GSE1: variants seen among roughly 807,000 people sequenced by gnomAD.
The protein encoded by GSE1 is genetic suppressor element 1.
GSE1 carries 32 observed loss-of-function variants against 112.6 expected under a neutral mutation model. The ratio of observed to expected loss-of-function variants is 0.28; its 90% CI spans 0.21 to 0.38. The LOEUF is 0.38. GSE1 is among the 10% of genes least tolerant of loss of function. GSE1 has a pLI of 1.00. For missense variants in GSE1, 2,348 were observed against 1,699.2 expected (o/e 1.38, Z -6.71); for synonymous variants, 1,115 against 735.6 (o/e 1.52, Z -8.35).
intron 1 of GSE1, among the ~76,000 whole-genome samples, chr16:85,277,260 C>G (rs1345344787): frequency 1.3e-5 from 2 of 152,116 alleles, no homozygotes; most frequent in Non-Finnish European, 2.9e-5. Context: ...TTCTGGGGTT[C>G]TGGCCAGTGC....
chr16:85,567,929 G>A (rs1349444480), intron 1 of GSE1, among the ~76,000 whole-genome samples: 3 of 152,064 alleles, frequency 2.0e-5, no homozygotes, highest in Admixed American at 2.0e-4. Flanking sequence ...TTCTTATGTT[G>A]CCCAGGCTGA....
intron 1 of GSE1, among the ~76,000 whole-genome samples, chr16:85,286,185 G>A (rs374453202): frequency 1.6e-4 from 25 of 152,366 alleles, no homozygotes; most frequent in East Asian, 1.3e-3. Flanking sequence ...AAAGGGCCCC[G>A]TGCTCCGAGC....
chr16:85,226,957 G>A (rs984677245), intron 1 of GSE1, among the ~76,000 whole-genome samples: 5 of 151,984 alleles, frequency 3.3e-5, no homozygotes, highest in East Asian at 1.9e-4. Context: ...GTCAGGTAGC[G>A]GCCATCCCCA....
chr16:85,331,701 A>AT (rs1567693513), intron 1 of GSE1, among the ~76,000 whole-genome samples: 2 of 74,122 alleles, frequency 2.7e-5, no homozygotes, highest in African/African-American at 5.3e-5. Flanking sequence ...ATATATATAT[A>AT]TATATATTTT....
At chr16:85,291,179 C>G (rs2045199778) in intron 1 of GSE1, among the ~76,000 whole-genome samples, 1 of 152,166 alleles carries the variant, frequency 6.6e-6, no homozygotes, top group Admixed American at 6.5e-5. Context: ...GTCCCTCACC[C>G]AGGGTCTCTC....
intron 2 of GSE1, among the ~76,000 whole-genome samples, chr16:85,641,717 G>A (rs2050464657): frequency 1.3e-5 from 2 of 152,248 alleles, no homozygotes; most frequent in Admixed American, 6.5e-5. Flanking sequence ...GTGGGGGGCT[G>A]ATTGGCTCTT....
intron 2 of GSE1, among the ~76,000 whole-genome samples, chr16:85,637,256 G>T (rs1054418125): frequency 6.6e-6 from 1 of 152,220 alleles, no homozygotes; most frequent in Non-Finnish European, 1.5e-5. Context: ...GTACACATGG[G>T]CTGGCGCGGT....
intron 1 of GSE1, among the ~76,000 whole-genome samples, chr16:85,624,650 C>T (rs890739749): frequency 6.6e-6 from 1 of 152,228 alleles, no homozygotes; most frequent in African/African-American, 2.4e-5. Context: ...TGAGCCTCTA[C>T]ATGTGACCCG....
intron 1 of GSE1, among the ~76,000 whole-genome samples, chr16:85,337,032 C>T (rs995138277): frequency 6.6e-6 from 1 of 152,088 alleles, no homozygotes; most frequent in African/African-American, 2.4e-5. Context: ...ATTTGCTATG[C>T]GCTTGATGCA....
At chr16:85,250,952 C>T (rs185878510) in intron 1 of GSE1, among the ~76,000 whole-genome samples, 35 of 152,220 alleles carry the variant, frequency 2.3e-4, no homozygotes, top group East Asian at 7.7e-4. Flanking sequence ...TTTCACTCGG[C>T]GCCTGGTTTC....
At chr16:85,216,185 A>G (rs909940776) in intron 1 of GSE1, among the ~76,000 whole-genome samples, 3 of 152,216 alleles carry the variant, frequency 2.0e-5, no homozygotes, top group Non-Finnish European at 4.4e-5. Flanking sequence ...CTTAAAGGTA[A>G]AGTGCTCCAG....
chr16:85,555,557 C>T (rs1417552562), upstream of GSE1: 1 of 972,306 alleles, frequency 1.0e-6, no homozygotes, highest in Non-Finnish European at 1.2e-6. Flanking sequence ...TCTCCTCTCC[C>T]CTCTCCCGCT....
upstream of GSE1, chr16:85,555,113 C>T (rs1030874407): frequency 1.0e-6 from 1 of 985,030 alleles, no homozygotes. Flanking sequence ...GAGCCGCCGC[C>T]GCCGCCGCCT....
chr16:85,662,660 G>A (rs1423792148), intron 9 of GSE1: 1 of 321,636 alleles, frequency 3.1e-6, no homozygotes, highest in Non-Finnish European at 5.8e-6. Flanking sequence ...AAGCAGCCCT[G>A]TGTTGCCGTG....
At chr16:85,251,692 T>G (rs1906502105) in intron 1 of GSE1, among the ~76,000 whole-genome samples, 1 of 152,224 alleles carries the variant, frequency 6.6e-6, no homozygotes, top group African/African-American at 2.4e-5. Context: ...CACGCAGGCC[T>G]CTGCTGCGGG....
chr16:85,273,550 G>A (rs893026502), intron 1 of GSE1, among the ~76,000 whole-genome samples: 31 of 102,952 alleles, frequency 3.0e-4, no homozygotes, highest in Middle Eastern at 5.2e-3. Context: ...ACAGAAGCCA[G>A]TCTGCAGAGG....
At chr16:85,432,806 G>C (rs963540537) in intron 2 of GSE1, among the ~76,000 whole-genome samples, 68 of 152,242 alleles carry the variant, frequency 4.5e-4, no homozygotes, top group African/African-American at 1.5e-3. Context: ...CAGGCCCCAG[G>C]TGCACAGGTG....
chr16:85,586,803 C>A (rs1483800409), intron 1 of GSE1, among the ~76,000 whole-genome samples: 2 of 152,148 alleles, frequency 1.3e-5, no homozygotes, highest in African/African-American at 4.8e-5. Context: ...CCTCCGTGCC[C>A]CCAGGCCCCC....
At chr16:85,665,874 G>A in intron 12 of GSE1, 102 bp from the exon 13 acceptor site, 1 of 1,123,102 alleles carries the variant, frequency 8.9e-7, no homozygotes, top group South Asian at 1.3e-5. Context: ...TTTGCGCTAG[G>A]TCTTTGTTAA....
Sources: allele counts gnomAD v4.1 joint callset (sites outside exome capture counted in the v4.1 genomes callset), GRCh38; gene constraint gnomAD v4.1.1; transcripts MANE v1.5; gene names NCBI Gene and HGNC (gene_info 2026-07-23, HGNC 2026-07-21).